RAB14: variants seen among roughly 807,000 people sequenced by gnomAD.
RAB14 encodes ras-related protein Rab-14.
RAB14 carries 3 observed loss-of-function variants against 31.1 expected under a neutral mutation model. The ratio of observed to expected loss-of-function variants is 0.10; its 90% CI spans 0.04 to 0.25. The LOEUF (loss-of-function observed/expected upper bound fraction) is 0.25. RAB14 is among the 10% of genes least tolerant of loss of function. RAB14 has a pLI of 1.00. For missense variants in RAB14, 111 were observed against 260.1 expected (o/e 0.43, Z 3.94); for synonymous variants, 85 against 84.9 (o/e 1.00, Z 0.00).
At chr9:121,187,285 C>T (rs1024958977) in intron 4 of RAB14, among the ~76,000 whole-genome samples, 2 of 151,936 alleles carry the variant, frequency 1.3e-5, no homozygotes, top group African/African-American at 4.8e-5. Flanking sequence ...ATACCGTAAA[C>T]AGACCAATAA....
chr9:121,184,432 G>T (rs1218225736), intron 5 of RAB14, among the ~76,000 whole-genome samples: 4 of 152,168 alleles, frequency 2.6e-5, no homozygotes, highest in Non-Finnish European at 5.9e-5. Flanking sequence ...CTGGGGTGGG[G>T]AGGGGGGTTA....
chr9:121,195,533 AATT>A (rs1321628838), intron 1 of RAB14, among the ~76,000 whole-genome samples: 1 of 152,150 alleles, frequency 6.6e-6, no homozygotes, highest in Non-Finnish European at 1.5e-5. Context: ...TGTACCTGCT[AATT>A]ATCATACATT....
At chr9:121,201,351 C>A (rs1000681222) in intron 1 of RAB14, among the ~76,000 whole-genome samples, 1 of 152,084 alleles carries the variant, frequency 6.6e-6, no homozygotes, top group Non-Finnish European at 1.5e-5. Flanking sequence ...AAGGCGAGGC[C>A]GGAACACACC....
At chr9:121,184,682 A>C (rs191520398) in intron 5 of RAB14, among the ~76,000 whole-genome samples, 7 of 152,314 alleles carry the variant, frequency 4.6e-5, no homozygotes, top group Admixed American at 3.3e-4. Flanking sequence ...CTGAATGTAA[A>C]CCTCATGCAA....
In RAB14 at chr9:121,201,818, G is replaced by A. The variant is rs1200431736; in HGVS notation, c.-187C>T. 6.6e-6 allele frequency: 1 copy of A among 152,396 alleles called. No homozygotes were observed. The highest frequency in any genetic ancestry group is 1.5e-5 in the Non-Finnish European group (1 of 68,164). 9.4% of individuals were successfully genotyped at this position (152,396 alleles called of 1,614,324 possible). On this transcript the variant is annotated 5_prime_UTR_variant, in exon 1 of 8. Coordinates refer to ENST00000373840, the MANE Select transcript of RAB14 (RefSeq NM_016322.4). Reference sequence around the variant, plus strand: ...AGCAGTAGCGGCAGTAGCAGTGGCAGCGGTGACTGCTCCTGTGCTCCCTCA... The same window carrying A: ...AGCAGTAGCGGCAGTAGCAGTGGCAACGGTGACTGCTCCTGTGCTCCCTCA...
chr9:121,181,459 T>C lies in RAB14; in HGVS notation c.585A>G (p.Ser195=), dbSNP rs993555124. Residue 195 remains serine (S), a synonymous_variant, in exon 8 of 8, where the codon TCA becomes TCG. Transcript: ENST00000373840. ...TGGTTAGCCGGCCTCCCTGCGGGGC[T>C]GAAGGTTTGTGTTGTACACCAGACT... ...AAESGVQHKP[S]APQGGRLTSE... 1 of 1,612,802 alleles carries C rather than the reference T, an allele frequency of 6.2e-7. No homozygotes were observed. The highest frequency in any genetic ancestry group is 8.5e-7 in the Non-Finnish European group (1 of 1,178,986).
At chr9:121,186,094 T>G (rs1406968233) in intron 5 of RAB14, among the ~76,000 whole-genome samples, 1 of 152,168 alleles carries the variant, frequency 6.6e-6, no homozygotes. Flanking sequence ...GACACAAGCC[T>G]TGTTCCTGAG....
intron 1 of RAB14, among the ~76,000 whole-genome samples, chr9:121,196,144 G>GA (rs1277778296): frequency 2.6e-5 from 4 of 151,634 alleles, no homozygotes; most frequent in African/African-American, 9.7e-5. Flanking sequence ...TTCAAACTCT[G>GA]AAAACATGAG....
In RAB14 at chr9:121,180,046, G is replaced by C. The variant is rs973729530; in HGVS notation, c.*1350C>G. The stretch of plus-strand genomic sequence containing the variant: ...TATTAATTCAGTGGCCAAACCACCT[G>C]GTGCAAAGTAATAACTTACTTTGTA... On this transcript the variant is annotated 3_prime_UTR_variant, in exon 8 of 8. Coordinates refer to ENST00000373840, the MANE Select transcript of RAB14 (RefSeq NM_016322.4). 6.6e-6 allele frequency: 1 copy of C among 152,556 alleles called. No homozygotes were observed. Among genetic ancestry groups the C allele is most frequent in the Non-Finnish European group, 1.5e-5 (1 of 68,034 alleles). 9.5% of individuals were successfully genotyped at this position (152,556 alleles called of 1,614,324 possible). A position where few individuals can be genotyped will look rare whatever the true frequency, so the allele number is the denominator to read the frequency against.
At chr9:121,195,625 A>G (rs905154516) in intron 1 of RAB14, among the ~76,000 whole-genome samples, 6 of 152,148 alleles carry the variant, frequency 3.9e-5, no homozygotes, top group Admixed American at 1.3e-4. Flanking sequence ...ATTTCCAAAT[A>G]AAAGAAATGA....
Position 121,180,413 on chromosome 9 carries a change from T to C in RAB14, c.*983A>G, listed in dbSNP as rs748252612. Reference sequence around the variant, plus strand: ...GAAAAGCAGGTTAGCACATTGTCGATTGCACAAGAACAGTTAAGAAAATCA... The same window carrying C: ...GAAAAGCAGGTTAGCACATTGTCGACTGCACAAGAACAGTTAAGAAAATCA... On this transcript the variant is annotated 3_prime_UTR_variant, in exon 8 of 8. Transcript: ENST00000373840. 5.2e-5 allele frequency: 8 copies of C among 152,662 alleles called. No individual in the cohort carries two copies. In the East Asian group the frequency reaches 9.6e-4, roughly 18 times the overall value. 9.5% of individuals were successfully genotyped at this position (152,662 alleles called of 1,614,324 possible).
chr9:121,192,179 T>C lies in RAB14; in HGVS notation c.98A>G (p.Glu33Gly). 1 of 1,592,412 alleles carries C rather than the reference T, an allele frequency of 6.3e-7. No individual in the cohort carries two copies. Reference protein sequence around the residue: ...GKSCLLHQFTEKKFMADCPHT... With the variant: ...GKSCLLHQFTGKKFMADCPHT... ...TCATGTATTGAACTTACATTTTTTT[T>C]CTGTAAATTGATGAAGCAAGCAAGA... is the stretch of plus-strand genomic sequence containing the variant. Residue 33 changes from glutamate to glycine, a missense_variant, in exon 3 of 8, where the codon GAA becomes GGA. Glu to Gly is a moderately conservative substitution (Grantham distance 98). Transcript: ENST00000373840.
rs188286472 is a variant in RAB14, at chr9:121,193,210, C to T, written c.52+151G>A. On this transcript the variant is annotated intron_variant, in intron 2 of 7. Transcript: ENST00000373840. ...TGGCCACAATGCAAAAGCTGCATTG[C>T]TAATGCAAAAATAAATCTTATAAAA... 11 of 555,082 alleles carry T rather than the reference C, an allele frequency of 2.0e-5. No individual in the cohort carries two copies. The African/African-American group carries it at 2.0e-4, about 10-fold the overall frequency. 34.4% of individuals were successfully genotyped at this position (555,082 alleles called of 1,614,324 possible). A position where few individuals can be genotyped will look rare whatever the true frequency, so the allele number is the denominator to read the frequency against.
rs1266378875 is a variant in RAB14 at position 121,178,774 on chromosome 9, A to G, written c.*2622T>C. ...ATTGTACTGGAAGATCTATTTAAGC[A>G]TAAATAGTACTAAGCACCAATTACT... On this transcript the variant is annotated 3_prime_UTR_variant, in exon 8 of 8. Coordinates refer to ENST00000373840, the MANE Select transcript of RAB14 (RefSeq NM_016322.4). 1 of 152,252 alleles carries G rather than the reference A, an allele frequency of 6.6e-6. No homozygotes were observed. Among genetic ancestry groups the G allele is most frequent in the Non-Finnish European group, 1.5e-5 (1 of 68,050 alleles). The allele number at this position is 152,252 out of a possible 1,614,324, so 9.4% of individuals were successfully genotyped here.
chr9:121,199,999 C>T (rs1462264278), intron 1 of RAB14, among the ~76,000 whole-genome samples: 12 of 152,204 alleles, frequency 7.9e-5, no homozygotes, highest in Admixed American at 6.5e-4. Context: ...AAGCAATGTG[C>T]TAAGGGCTTT....
At chr9:121,187,491 T>TA (rs2053664579) in intron 4 of RAB14, among the ~76,000 whole-genome samples, 1 of 152,120 alleles carries the variant, frequency 6.6e-6, no homozygotes, top group South Asian at 2.1e-4. Flanking sequence ...CACACTATTA[T>TA]AAGCTGGCAT....
intron 4 of RAB14, among the ~76,000 whole-genome samples, chr9:121,187,439 C>T (rs920701352): frequency 6.6e-5 from 10 of 152,022 alleles, no homozygotes; most frequent in Admixed American, 2.0e-4. Flanking sequence ...ATGGAAGACA[C>T]TTTTGCTTGT....
chr9:121,198,106 G>A (rs994394538), intron 1 of RAB14, among the ~76,000 whole-genome samples: 4 of 151,836 alleles, frequency 2.6e-5, no homozygotes, highest in African/African-American at 7.3e-5. Context: ...ATGGACAGGA[G>A]AAACAGGGAA....
Position 121,192,231 on chromosome 9 carries a change from A to T in RAB14, c.53-7T>A. 5.9e-6 allele frequency: 9 copies of T among 1,526,734 alleles called. No individual in the cohort carries two copies. Among genetic ancestry groups the T allele is most frequent in the African/African-American group, 1.4e-5 (1 of 71,840 alleles). 94.6% of individuals were successfully genotyped at this position (1,526,734 alleles called of 1,614,324 possible). ...TTTCCTACTCCCATGTCCCCTGTTT[A>T]AAAAAAAAGAAGTTTCAGGTGGCAA... On this transcript the variant is annotated splice_region_variant and splice_polypyrimidine_tract_variant and intron_variant, in intron 2 of 7. Transcript: ENST00000373840.
Sources: allele counts gnomAD v4.1 joint callset (sites outside exome capture counted in the v4.1 genomes callset), GRCh38; gene constraint gnomAD v4.1.1; transcripts MANE v1.5; gene names NCBI Gene and HGNC (gene_info 2026-07-23, HGNC 2026-07-21).